The following ADK variants were observed in gnomAD, a reference collection of about 807,000 sequenced individuals.
ADK encodes N6,N6-dimethyladenosine kinase.
In ADK, 24 loss-of-function variants were observed where a neutral mutation model predicts 44.7. That is an observed-to-expected ratio of 0.54 (90% CI 0.39 to 0.76). ADK has a LOEUF of 0.76. Among genes scored for constraint, ADK ranks in the 30% least tolerant of loss-of-function variants. The pLI is 0.00. For missense variants in ADK, 321 were observed against 425.1 expected, an observed-to-expected ratio of 0.76 and a Z score of 2.15; for synonymous variants, 128 against 142.6, an observed-to-expected ratio of 0.90 and a Z score of 0.73.
intron 6 of ADK, among the ~76,000 whole-genome samples, chr10:74,411,669 G>T (rs1006146230): frequency 2.0e-5 from 3 of 152,208 alleles, no homozygotes; most frequent in Non-Finnish European, 4.4e-5. Flanking sequence ...GGCTTCTGAA[G>T]GTTGGGGTAG....
chr10:74,237,882 T>C (rs1845031666), intron 3 of ADK, among the ~76,000 whole-genome samples: 1 of 152,138 alleles, frequency 6.6e-6, no homozygotes, highest in Non-Finnish European at 1.5e-5. Context: ...GCAGATCACC[T>C]GAGGTCGGGA....
intron 2 of ADK, among the ~76,000 whole-genome samples, chr10:74,216,203 C>T (rs971971442): frequency 6.6e-6 from 1 of 152,050 alleles, no homozygotes; most frequent in African/African-American, 2.4e-5. Flanking sequence ...TTATGCATTA[C>T]AGTCTTTCAT....
chr10:74,246,173 T>C (rs2132318753), intron 3 of ADK, among the ~76,000 whole-genome samples: 1 of 152,306 alleles, frequency 6.6e-6, no homozygotes. Context: ...AGGGCAGAAC[T>C]ATATTCAAAG....
chr10:74,281,564 T>C (rs564036415), intron 3 of ADK, among the ~76,000 whole-genome samples: 4 of 152,344 alleles, frequency 2.6e-5, no homozygotes, highest in Admixed American at 2.6e-4. Context: ...TCCATGATCT[T>C]GATGAGGCAT....
chr10:74,648,106 A>G (rs917197157), intron 9 of ADK, among the ~76,000 whole-genome samples: 1 of 152,050 alleles, frequency 6.6e-6, no homozygotes, highest in African/African-American at 2.4e-5. Context: ...ATATACACAT[A>G]CATAGGCTTA....
chr10:74,632,063 C>T (rs556229116), intron 9 of ADK, among the ~76,000 whole-genome samples: 2 of 152,130 alleles, frequency 1.3e-5, no homozygotes, highest in Non-Finnish European at 2.9e-5. Flanking sequence ...TGACCACGAT[C>T]AATTTTAGAA....
intron 7 of ADK, among the ~76,000 whole-genome samples, chr10:74,579,258 A>T: frequency 6.6e-6 from 1 of 152,186 alleles, no homozygotes; most frequent in Middle Eastern, 3.4e-3. Flanking sequence ...AGTGAAGAAC[A>T]AGGTAAGACA....
chr10:74,594,964 TC>T (rs1479078588), intron 8 of ADK, among the ~76,000 whole-genome samples: 1 of 152,036 alleles, frequency 6.6e-6, no homozygotes, highest in African/African-American at 2.4e-5. Flanking sequence ...TCACCTGACA[TC>T]AGGAGTTCGA....
chr10:74,187,939 A>G (rs1842816342), intron 1 of ADK, among the ~76,000 whole-genome samples: 1 of 152,144 alleles, frequency 6.6e-6, no homozygotes, highest in Non-Finnish European at 1.5e-5. Flanking sequence ...TAAGATTGGT[A>G]TTGTTACTTT....
intron 4 of ADK, among the ~76,000 whole-genome samples, chr10:74,324,646 A>C (rs1840946243): frequency 6.6e-6 from 1 of 152,064 alleles, no homozygotes; most frequent in Admixed American, 6.6e-5. Context: ...TTATTTATTC[A>C]TTCATTCATT....
At chr10:74,259,456 CTTT>C (rs66533506) in intron 3 of ADK, among the ~76,000 whole-genome samples, 8 of 106,212 alleles carry the variant, frequency 7.5e-5, no homozygotes, top group Admixed American at 2.1e-4. Context: ...TTTTCTTTTC[CTTT>C]TTTTTTTTTT....
At chr10:74,299,834 T>C (rs1206064146) in intron 3 of ADK, among the ~76,000 whole-genome samples, 1 of 152,000 alleles carries the variant, frequency 6.6e-6, no homozygotes, top group Non-Finnish European at 1.5e-5. Context: ...GAAGAGATAG[T>C]TCTGTAAGTT....
intron 9 of ADK, among the ~76,000 whole-genome samples, chr10:74,616,930 T>C (rs933857977): frequency 2.0e-5 from 3 of 152,130 alleles, no homozygotes; most frequent in Admixed American, 2.0e-4. Flanking sequence ...TGTATATGTA[T>C]CTTTTGTAAG....
Position 74,527,872 on chromosome 10 carries a change from G to A in ADK, c.726+2446G>A, listed in dbSNP as rs1161440326. The stretch of plus-strand genomic sequence containing the variant: ...GCTGCCAGCCAGATCTCTAACATAC[G>A]TCAGTACAGGAAAAGGCAAGAGAAG... On this transcript the variant is annotated intron_variant, in intron 7 of 10. Coordinates refer to ENST00000539909, the MANE Select transcript of ADK (RefSeq NM_006721.4). 9 of 884,464 alleles carry A rather than the reference G, an allele frequency of 1.0e-5. No individual in the cohort carries two copies. The East Asian group carries it at 2.2e-4, about 21-fold the overall frequency. 54.8% of individuals were successfully genotyped at this position (884,464 alleles called of 1,614,324 possible). A position where few individuals can be genotyped will look rare whatever the true frequency, so the allele number is the denominator to read the frequency against.
intron 3 of ADK, among the ~76,000 whole-genome samples, chr10:74,305,331 C>T (rs1840208239): frequency 1.3e-5 from 2 of 152,096 alleles, no homozygotes; most frequent in Admixed American, 1.3e-4. Context: ...TGCTTCTAAC[C>T]ATTGAGGAAT....
At chr10:74,236,896 A>G (rs1261571202) in intron 3 of ADK, among the ~76,000 whole-genome samples, 1 of 152,222 alleles carries the variant, frequency 6.6e-6, no homozygotes, top group Non-Finnish European at 1.5e-5. Context: ...CTTAATCCAT[A>G]AAAATACTTT....
intron 7 of ADK, among the ~76,000 whole-genome samples, chr10:74,535,035 T>G (rs1564778660): frequency 6.6e-6 from 1 of 152,176 alleles, no homozygotes; most frequent in Non-Finnish European, 1.5e-5. Context: ...TACATATGAG[T>G]TATTTTTAAT....
chr10:74,653,395 T>C (rs1854346835), intron 9 of ADK, among the ~76,000 whole-genome samples: 1 of 152,124 alleles, frequency 6.6e-6, no homozygotes, highest in Admixed American at 6.5e-5. Context: ...GAGGTTGCAG[T>C]GAGCCGAGAT....
chr10:74,219,018 A>G (rs1403836511), intron 2 of ADK, among the ~76,000 whole-genome samples: 1 of 152,088 alleles, frequency 6.6e-6, no homozygotes, highest in Non-Finnish European at 1.5e-5. Flanking sequence ...ACACATAACA[A>G]TATTAACTTT....
Sources: allele counts gnomAD v4.1 joint callset (sites outside exome capture counted in the v4.1 genomes callset), GRCh38; gene constraint gnomAD v4.1.1; transcripts MANE v1.5; gene names NCBI Gene and HGNC (gene_info 2026-07-23, HGNC 2026-07-21).